Variants in TEX11 observed in about 807,000 individuals in gnomAD.
The protein encoded by TEX11 is testis-expressed protein 11.
TEX11 carries 7 observed loss-of-function variants against 84.4 expected under a neutral mutation model. The observed-to-expected ratio is 0.08, with a 90% CI of 0.05 to 0.16. The LOEUF (loss-of-function observed/expected upper bound fraction) is 0.16, where lower values mean the gene tolerates loss of function less well. Ranked by LOEUF, TEX11 falls within the 10% of genes least tolerant of loss-of-function variation. The pLI, the probability that TEX11 is intolerant of heterozygous loss-of-function variation, is 1.00. For missense variants in TEX11, 551 were observed against 660.5 expected (o/e 0.83, Z 1.82); for synonymous variants, 264 against 222.8 (o/e 1.18, Z -1.64).
chrX:70,732,864 A>G (rs1236496936), intron 11 of TEX11, among the ~76,000 whole-genome samples: 1 of 112,122 alleles, frequency 8.9e-6, no homozygotes, highest in Non-Finnish European at 1.9e-5. Context: ...AGCCAAAAGA[A>G]CAAAGCTGGA....
At chrX:70,843,210 G>A (rs1446325537) in intron 7 of TEX11, among the ~76,000 whole-genome samples, 4 of 111,757 alleles carry the variant, frequency 3.6e-5, no homozygotes, top group South Asian at 7.5e-4. Flanking sequence ...GAGGCATCAT[G>A]CTACCTGACT....
chrX:70,878,515 G>A (rs774124293), intron 3 of TEX11, among the ~76,000 whole-genome samples: 73 of 109,823 alleles, frequency 6.6e-4, no homozygotes, highest in Admixed American at 9.8e-4. Context: ...AAAATGGTGC[G>A]GCCACTTTGG....
intron 13 of TEX11, among the ~76,000 whole-genome samples, chrX:70,721,598 G>T (rs764514128): frequency 9.0e-6 from 1 of 111,654 alleles, no homozygotes; most frequent in African/African-American, 3.3e-5. Flanking sequence ...GAAGGTTCTG[G>T]CCTCAGTTTT....
intron 9 of TEX11, among the ~76,000 whole-genome samples, 160 bp from the exon 10 acceptor site, chrX:70,744,379 T>C (rs887830789): frequency 2.7e-5 from 3 of 109,097 alleles, no homozygotes; most frequent in Non-Finnish European, 3.8e-5. Context: ...ATTATCCATA[T>C]GATATAATGA....
intron 9 of TEX11, among the ~76,000 whole-genome samples, chrX:70,779,041 A>G (rs1273293911): frequency 2.7e-5 from 3 of 111,059 alleles, no homozygotes; most frequent in African/African-American, 9.8e-5. Flanking sequence ...ACAAACATAT[A>G]TATATGTATG....
intron 3 of TEX11, among the ~76,000 whole-genome samples, chrX:70,877,963 T>C (rs1453858425): frequency 9.0e-6 from 1 of 110,913 alleles, no homozygotes; most frequent in East Asian, 2.8e-4. Flanking sequence ...TTCTAGATAA[T>C]AGCTGCACAA....
intron 5 of TEX11, chrX:70,857,622 A>G: frequency 3.4e-6 from 1 of 294,366 alleles, no homozygotes; most frequent in Middle Eastern, 7.9e-4. Context: ...GATGGCAATA[A>G]GAAAAATGAT....
At chrX:70,744,241 A>ATATAT (rs375156269) in intron 9 of TEX11, 22 bp from the exon 10 acceptor site, 6 of 636,568 alleles carry the variant, frequency 9.4e-6, no homozygotes, top group East Asian at 1.1e-4. Context: ...AAGGAAAAAA[A>ATATAT]ATATATATAT....
chrX:70,590,945 C>T (rs752566830), intron 25 of TEX11, among the ~76,000 whole-genome samples: 1 of 110,741 alleles, frequency 9.0e-6, no homozygotes, highest in Non-Finnish European at 1.9e-5. Flanking sequence ...GACGGGCTTT[C>T]TCCGTGTTGG....
the TEX11 span, among the ~76,000 whole-genome samples, chrX:70,523,038 C>G: frequency 7.2e-5 from 8 of 110,575 alleles, no homozygotes; most frequent in African/African-American, 2.6e-4. Context: ...ATCAAGGAAG[C>G]CTTCAAGTCC....
At chrX:70,683,873 G>T (rs916358866) in intron 13 of TEX11, among the ~76,000 whole-genome samples, 5 of 111,362 alleles carry the variant, frequency 4.5e-5, no homozygotes, top group Non-Finnish European at 7.5e-5. Context: ...AATAAATCTT[G>T]TTATATATCA....
At chrX:70,603,366 T>C (rs2089154073) in intron 24 of TEX11, among the ~76,000 whole-genome samples, 1 of 96,787 alleles carries the variant, frequency 1.0e-5, no homozygotes, top group Non-Finnish European at 2.1e-5. Flanking sequence ...TATAGATCAA[T>C]GGAACAGAAC....
chrX:70,712,946 T>G (rs1402361757), intron 13 of TEX11, among the ~76,000 whole-genome samples: 1 of 111,670 alleles, frequency 9.0e-6, no homozygotes, highest in Non-Finnish European at 1.9e-5. Context: ...ATAGCTCTTA[T>G]TATTTTGAGA....
chrX:70,512,400 G>T, the TEX11 span, among the ~76,000 whole-genome samples: 1 of 107,417 alleles, frequency 9.3e-6, no homozygotes, highest in African/African-American at 3.5e-5. Context: ...TGTATTTTTA[G>T]TAGCGACGGG....
intron 3 of TEX11, among the ~76,000 whole-genome samples, chrX:70,879,493 TTAAG>T (rs1357941927): frequency 1.8e-5 from 2 of 110,778 alleles, no homozygotes; most frequent in Admixed American, 9.7e-5. Flanking sequence ...AGCTTCCATA[TTAAG>T]TAAGTAACAG....
rs188837390 is a variant in TEX11 at position 70,879,458 on chromosome X, T to G, written c.159+530A>C. ...AAGTATTTGCCCAAGGTAAATATTCTCAAAAGTGTTTCAAGCCTCAAGACA... is the reference window on the plus strand; with the variant it reads ...AAGTATTTGCCCAAGGTAAATATTCGCAAAAGTGTTTCAAGCCTCAAGACA... On this transcript the variant is annotated intron_variant, in intron 3 of 29. Transcript: ENST00000374333. 3.5e-3 allele frequency among the ~76,000 whole-genome samples: 387 copies of G among 110,798 alleles called. 6 individuals are homozygous for G. The highest frequency in any genetic ancestry group is 8.1e-4 in the Non-Finnish European group (43 of 53,016).
At chrX:70,661,234 C>T (rs1341909603) in intron 16 of TEX11, among the ~76,000 whole-genome samples, 2 of 112,549 alleles carry the variant, frequency 1.8e-5, no homozygotes, top group African/African-American at 6.5e-5. Context: ...CTGTATCCCA[C>T]GCCTGGCTCA....
At chrX:70,808,107 CAAAAAAAAAAAAAAAAAAAAAAAAAA>C (rs549201546) in intron 8 of TEX11, among the ~76,000 whole-genome samples, 2 of 32,614 alleles carry the variant, frequency 6.1e-5, no homozygotes, top group African/African-American at 3.6e-4. Flanking sequence ...GACTCTGTCT[CAAAAAAAAAAAAAAAAAAAAAAAAAA>C]AAAAAAAAAA....
At chrX:70,874,875 C>A (rs2091647687) in intron 3 of TEX11, among the ~76,000 whole-genome samples, 1 of 110,753 alleles carries the variant, frequency 9.0e-6, no homozygotes, top group Admixed American at 9.6e-5. Flanking sequence ...AGCAATTTGG[C>A]AACATATAAA....
Sources: allele counts gnomAD v4.1 joint callset (sites outside exome capture counted in the v4.1 genomes callset), GRCh38; gene constraint gnomAD v4.1.1; transcripts MANE v1.5; gene names NCBI Gene and HGNC (gene_info 2026-07-23, HGNC 2026-07-21).